Variants in RSAD2 observed in about 807,000 individuals in gnomAD.
RSAD2 encodes radical S-adenosyl methionine domain containing 2.
In RSAD2, 38 loss-of-function variants were observed where a neutral mutation model predicts 37.7. The observed-to-expected ratio is 1.01, with a 90% CI of 0.78 to 1.32. The LOEUF is 1.32. RSAD2 is among the 40% of genes most tolerant of loss of function. The probability of loss-of-function intolerance (pLI) is 0.00; values close to 1 mark genes in which losing one functional copy is unlikely to be tolerated. For synonymous variants in RSAD2, 163 were observed against 157.4 expected, an observed-to-expected ratio of 1.04 and a Z score of -0.27; for missense variants, 428 against 437.5, an observed-to-expected ratio of 0.98 and a Z score of 0.19.
upstream of RSAD2, among the ~76,000 whole-genome samples, chr2:6,873,596 A>G (rs966439030): frequency 1.1e-4 from 16 of 152,184 alleles, no homozygotes; most frequent in African/African-American, 3.9e-4. Flanking sequence ...CTGAACTTTA[A>G]AAAGTTCAGG....
chr2:6,873,576 C>T (rs1369479193), upstream of RSAD2, among the ~76,000 whole-genome samples: 1 of 152,118 alleles, frequency 6.6e-6, no homozygotes, highest in Non-Finnish European at 1.5e-5. Flanking sequence ...CTTTTGATTA[C>T]TTGGGGAAAC....
chr2:6,889,554 G>A (rs1663590040), intron 3 of RSAD2, among the ~76,000 whole-genome samples: 1 of 152,104 alleles, frequency 6.6e-6, no homozygotes, highest in Non-Finnish European at 1.5e-5. Flanking sequence ...TCTGTGTTGG[G>A]TTGGCTGTCA....
intron 1 of RSAD2, among the ~76,000 whole-genome samples, chr2:6,878,391 C>A (rs1663330914): frequency 6.6e-6 from 1 of 152,164 alleles, no homozygotes; most frequent in Non-Finnish European, 1.5e-5. Flanking sequence ...CAAACCTGTC[C>A]CTCCTGCCAT....
At chr2:6,876,282 C>G (rs1365527044), upstream of RSAD2, among the ~76,000 whole-genome samples, 1 of 152,132 alleles carries the variant, frequency 6.6e-6, no homozygotes, top group Admixed American at 6.5e-5. Context: ...CCCTACAAGT[C>G]TTGATCCTCC....
intron 1 of RSAD2, among the ~76,000 whole-genome samples, chr2:6,870,051 T>C (rs1663176119): frequency 1.3e-5 from 2 of 152,202 alleles, no homozygotes; most frequent in South Asian, 4.1e-4. Flanking sequence ...TTTCAATCCT[T>C]CATTTGCATA....
intron 1 of RSAD2, 139 bp downstream of exon 1, chr2:6,878,285 A>G: frequency 2.9e-6 from 2 of 679,830 alleles, no homozygotes; most frequent in Non-Finnish European, 4.9e-6. Context: ...CATGGTGAGC[A>G]TGTTGTCCTA....
At chr2:6,893,588 T>C in intron 4 of RSAD2, 83 bp from the exon 5 acceptor site, 1 of 1,090,530 alleles carries the variant, frequency 9.2e-7, no homozygotes, top group Non-Finnish European at 1.4e-6. Flanking sequence ...AACAATACAA[T>C]GCAAACACTA....
chr2:6,888,474 A>G (rs139875310), intron 3 of RSAD2, among the ~76,000 whole-genome samples: 265 of 152,330 alleles, frequency 1.7e-3, no homozygotes, highest in African/African-American at 6.2e-3. Flanking sequence ...AAGCTGCCTT[A>G]GACATGTTGA....
chr2:6,881,293 C>A (rs928491872), intron 1 of RSAD2, among the ~76,000 whole-genome samples: 1 of 152,234 alleles, frequency 6.6e-6, no homozygotes, highest in Non-Finnish European at 1.5e-5. Context: ...TAATGCCTCA[C>A]TGTCCAATCA....
intron 5 of RSAD2, among the ~76,000 whole-genome samples, chr2:6,895,104 C>G (rs573374677): frequency 1.3e-5 from 2 of 150,546 alleles, no homozygotes; most frequent in East Asian, 4.0e-4. Context: ...GAAATCGTTT[C>G]TGCCTACAGA....
At chr2:6,876,458 A>C (rs1275096540), upstream of RSAD2, among the ~76,000 whole-genome samples, 2 of 152,226 alleles carry the variant, frequency 1.3e-5, no homozygotes, top group African/African-American at 4.8e-5. Context: ...AATTTGATTC[A>C]AATTTAACAG....
chr2:6,895,724 T>C, intron 5 of RSAD2, 54 bp from the exon 6 acceptor site: 1 of 1,493,324 alleles, frequency 6.7e-7, no homozygotes. Context: ...CTAGATTGAG[T>C]TTTACAGGAT....
At chr2:6,871,632 T>C (rs556750599) in intron 1 of RSAD2, among the ~76,000 whole-genome samples, 1 of 152,170 alleles carries the variant, frequency 6.6e-6, no homozygotes, top group Non-Finnish European at 1.5e-5. Flanking sequence ...AACAAGGGGG[T>C]TTTACCCGAC....
chr2:6,878,227 C>A, intron 1 of RSAD2, 81 bp downstream of exon 1: 2 of 1,192,698 alleles, frequency 1.7e-6, no homozygotes, highest in Middle Eastern at 2.1e-4. Context: ...TGGGGGTATG[C>A]ACAAGCTGGA....
At chr2:6,882,601 A>G (rs1055954776) in intron 1 of RSAD2, among the ~76,000 whole-genome samples, 8 of 152,190 alleles carry the variant, frequency 5.3e-5, no homozygotes, top group African/African-American at 1.7e-4. Context: ...AGCAAATAGT[A>G]AAAGAAGATT....
At chr2:6,874,151 T>TG (rs1663244930), upstream of RSAD2, among the ~76,000 whole-genome samples, 1 of 152,160 alleles carries the variant, frequency 6.6e-6, no homozygotes, top group South Asian at 2.1e-4. Context: ...CTTTCTCTCT[T>TG]GCTCCTGCTC....
intron 5 of RSAD2, among the ~76,000 whole-genome samples, chr2:6,894,793 T>C (rs1011372424): frequency 6.6e-6 from 1 of 152,266 alleles, no homozygotes; most frequent in African/African-American, 2.4e-5. Context: ...TATACCCATT[T>C]CATTTCTTAA....
intron 1 of RSAD2, among the ~76,000 whole-genome samples, chr2:6,879,388 A>G (rs781527314): frequency 1.5e-4 from 23 of 152,068 alleles, no homozygotes; most frequent in Admixed American, 8.5e-4. Flanking sequence ...GGCAAGCTCA[A>G]TGTTGCTCTC....
In RSAD2 at chr2:6,896,203, T is replaced by C. The variant is rs1346586907; in HGVS notation, c.*261T>C. The C allele has an allele frequency of 2.8e-6, 1 of 356,266 alleles. No individual in the cohort carries two copies. The allele number at this position is 356,266 out of a possible 1,614,324, so 22.1% of individuals were successfully genotyped here. ...AACAGCACTTCTGTTTTTGAGTTTG[T>C]TTTAGCTAAAAAGAAGGAATACACA... is the stretch of plus-strand genomic sequence containing the variant. On this transcript the variant is annotated 3_prime_UTR_variant, in exon 6 of 6. Transcript: ENST00000382040.
Sources: allele counts gnomAD v4.1 joint callset (sites outside exome capture counted in the v4.1 genomes callset), GRCh38; gene constraint gnomAD v4.1.1; transcripts MANE v1.5; gene names NCBI Gene and HGNC (gene_info 2026-07-23, HGNC 2026-07-21).